The following PTPRM variants were observed in gnomAD, a reference collection of about 807,000 sequenced individuals.
The protein encoded by PTPRM is protein tyrosine phosphatase receptor type M.
A neutral mutation model predicts 186.7 loss-of-function variants in PTPRM; 47 were observed. That is an observed-to-expected ratio of 0.25 (90% CI 0.20 to 0.32). The LOEUF is 0.32. Among genes scored for constraint, PTPRM ranks in the 10% least tolerant of loss-of-function variants. The probability of loss-of-function intolerance (pLI) is 1.00; values close to 1 mark genes in which losing one functional copy is unlikely to be tolerated. For synonymous variants in PTPRM, 668 were observed against 674.9 expected (o/e 0.99, Z 0.16); for missense variants, 1,494 against 1,865.0 (o/e 0.80, Z 3.66).
At chr18:8,006,691 G>T (rs1441149498) in intron 7 of PTPRM, among the ~76,000 whole-genome samples, 3 of 152,184 alleles carry the variant, frequency 2.0e-5, no homozygotes, top group Non-Finnish European at 4.4e-5. Context: ...GCTGTGGTGT[G>T]CTGGGTCCCT....
intron 22 of PTPRM, among the ~76,000 whole-genome samples, chr18:8,334,835 T>G (rs1240122542): frequency 6.6e-6 from 1 of 152,132 alleles, no homozygotes; most frequent in Non-Finnish European, 1.5e-5. Flanking sequence ...GGACTTGGCT[T>G]TGGATAGCTG....
At chr18:7,936,637 A>G (rs1326013981) in intron 5 of PTPRM, among the ~76,000 whole-genome samples, 1 of 152,206 alleles carries the variant, frequency 6.6e-6, no homozygotes, top group Non-Finnish European at 1.5e-5. Context: ...CAGGAGGCAG[A>G]CAGGCTCCAG....
chr18:8,274,601 T>C (rs2094811903), intron 19 of PTPRM, among the ~76,000 whole-genome samples: 1 of 152,204 alleles, frequency 6.6e-6, no homozygotes, highest in Non-Finnish European at 1.5e-5. Context: ...AAGGCCATTT[T>C]TCAGAATGAC....
intron 14 of PTPRM, among the ~76,000 whole-genome samples, chr18:8,238,655 T>TTTTTTTTTG (rs2094377384): frequency 1.2e-4 from 11 of 93,462 alleles, no homozygotes; most frequent in African/African-American, 3.7e-4. Flanking sequence ...TTGTGTGTTT[T>TTTTTTTTTG]TTTTTTTTTT....
intron 7 of PTPRM, among the ~76,000 whole-genome samples, chr18:8,026,853 A>G (rs552271254): frequency 1.3e-5 from 2 of 152,094 alleles, no homozygotes; most frequent in African/African-American, 4.8e-5. Context: ...GTGAAACTCC[A>G]TCTCAAAAAA....
At chr18:8,329,633 A>G (rs149048072) in intron 22 of PTPRM, among the ~76,000 whole-genome samples, 1 of 152,334 alleles carries the variant, frequency 6.6e-6, no homozygotes, top group East Asian at 1.9e-4. Context: ...AAAATTGAAC[A>G]AAGGTTTCTG....
intron 7 of PTPRM, among the ~76,000 whole-genome samples, chr18:7,985,034 AATATATACATATAATT>A (rs1185626359): frequency 1.7e-4 from 21 of 124,090 alleles, no homozygotes; most frequent in Admixed American, 1.5e-3. Flanking sequence ...TACATATATA[AATATATACATATAATT>A]ATATATACAT....
Position 8,264,749 on chromosome 18 carries a change from G to A in PTPRM, c.2754+11335G>A, listed in dbSNP as rs1041718813. 8.2e-5 allele frequency among the ~76,000 whole-genome samples: 12 copies of A among 147,126 alleles called. No homozygotes were observed. The East Asian group carries it at 1.6e-3, about 20-fold the overall frequency. The stretch of plus-strand genomic sequence containing the variant: ...CGAGATTGCACCACTGCACTCCTGC[G>A]TGGTGACAGAGCAAGACTCCATCTC... On this transcript the variant is annotated intron_variant, in intron 19 of 32. Coordinates refer to ENST00000580170, the MANE Select transcript of PTPRM (RefSeq NM_001105244.2).
At chr18:7,618,343 C>G (rs2037856136) in intron 1 of PTPRM, among the ~76,000 whole-genome samples, 1 of 152,100 alleles carries the variant, frequency 6.6e-6, no homozygotes, top group Non-Finnish European at 1.5e-5. Flanking sequence ...ACTGCCATTT[C>G]CCTTATTCTG....
At chr18:7,659,414 A>T (rs531200062) in intron 1 of PTPRM, among the ~76,000 whole-genome samples, 1 of 152,236 alleles carries the variant, frequency 6.6e-6, no homozygotes, top group East Asian at 1.9e-4. Flanking sequence ...GCATCACCAC[A>T]ATTCATTTTC....
chr18:8,124,296 G>A (rs2092270389), intron 13 of PTPRM, among the ~76,000 whole-genome samples: 1 of 152,182 alleles, frequency 6.6e-6, no homozygotes, highest in South Asian at 2.1e-4. Context: ...GTCTTACCCA[G>A]ATAAATTCAC....
chr18:7,751,939 A>G (rs1404329973), intron 1 of PTPRM, among the ~76,000 whole-genome samples: 2 of 152,158 alleles, frequency 1.3e-5, no homozygotes, highest in Non-Finnish European at 2.9e-5. Flanking sequence ...AGTGCTACCA[A>G]TGTGAAGTGC....
chr18:8,182,575 A>C (rs2093590460), intron 14 of PTPRM, among the ~76,000 whole-genome samples: 2 of 152,186 alleles, frequency 1.3e-5, no homozygotes, highest in African/African-American at 2.4e-5. Flanking sequence ...AGATATATAG[A>C]TGTCTAGCCC....
At chr18:8,314,934 G>A in intron 21 of PTPRM, 77 bp downstream of exon 21, 1 of 887,882 alleles carries the variant, frequency 1.1e-6, no homozygotes, top group Non-Finnish European at 1.7e-6. Context: ...TTTGATACAT[G>A]TATACAATGC....
chr18:7,695,903 A>G (rs1431153904), intron 1 of PTPRM, among the ~76,000 whole-genome samples: 1 of 152,230 alleles, frequency 6.6e-6, no homozygotes, highest in Non-Finnish European at 1.5e-5. Context: ...AATGTTGCAT[A>G]AATTCTGTGT....
At chr18:7,709,869 G>A (rs1251528583) in intron 1 of PTPRM, among the ~76,000 whole-genome samples, 3 of 152,046 alleles carry the variant, frequency 2.0e-5, no homozygotes, top group African/African-American at 7.2e-5. Flanking sequence ...TAGAAACTCT[G>A]AATAGACCAA....
chr18:7,779,820 C>T (rs1055366358), intron 2 of PTPRM, among the ~76,000 whole-genome samples: 1 of 152,178 alleles, frequency 6.6e-6, no homozygotes, highest in Non-Finnish European at 1.5e-5. Context: ...TTATTAAACA[C>T]CTGCTATGTG....
intron 19 of PTPRM, among the ~76,000 whole-genome samples, chr18:8,255,665 T>C (rs909691574): frequency 3.2e-4 from 49 of 152,300 alleles, no homozygotes; most frequent in Admixed American, 3.0e-3. Flanking sequence ...AAAACACATA[T>C]ACTAGAGATG....
At chr18:8,205,648 T>C (rs1212030748) in intron 14 of PTPRM, among the ~76,000 whole-genome samples, 1 of 152,216 alleles carries the variant, frequency 6.6e-6, no homozygotes, top group Non-Finnish European at 1.5e-5. Context: ...ACATGTTCAG[T>C]GGATATCATG....
Sources: allele counts gnomAD v4.1 joint callset (sites outside exome capture counted in the v4.1 genomes callset), GRCh38; gene constraint gnomAD v4.1.1; transcripts MANE v1.5; gene names NCBI Gene and HGNC (gene_info 2026-07-23, HGNC 2026-07-21).